GUCY1A2: variants seen among roughly 807,000 people sequenced by gnomAD.
GUCY1A2 encodes guanylate cyclase soluble subunit alpha-2.
GUCY1A2 carries 27 observed loss-of-function variants against 63.5 expected under a neutral mutation model. The ratio of observed to expected loss-of-function variants is 0.43; its 90% CI spans 0.31 to 0.59. The LOEUF is 0.59. Among genes scored for constraint, GUCY1A2 ranks in the 20% least tolerant of loss-of-function variants. GUCY1A2 has a pLI of 0.11. For missense variants in GUCY1A2, 768 were observed against 913.3 expected, an observed-to-expected ratio of 0.84 and a Z score of 2.05; for synonymous variants, 364 against 343.5, an observed-to-expected ratio of 1.06 and a Z score of -0.66.
intron 4 of GUCY1A2, among the ~76,000 whole-genome samples, chr11:106,825,762 TA>T (rs932151293): frequency 9.9e-5 from 15 of 150,924 alleles, no homozygotes; most frequent in African/African-American, 2.9e-4. Context: ...CTGATAAGCT[TA>T]AAAAAAAATT....
At chr11:106,786,991 TA>T (rs1319960746) in intron 5 of GUCY1A2, among the ~76,000 whole-genome samples, 1 of 152,144 alleles carries the variant, frequency 6.6e-6, no homozygotes, top group African/African-American at 2.4e-5. Flanking sequence ...AATAAACACA[TA>T]AGGAGTGCTA....
intron 6 of GUCY1A2, among the ~76,000 whole-genome samples, chr11:106,751,333 C>A (rs922265185): frequency 2.6e-5 from 4 of 152,028 alleles, no homozygotes; most frequent in African/African-American, 9.7e-5. Context: ...CCAGCTAAGG[C>A]AGTAAATGAT....
intron 5 of GUCY1A2, among the ~76,000 whole-genome samples, chr11:106,785,468 C>T (rs1864539719): frequency 6.6e-6 from 1 of 151,912 alleles, no homozygotes; most frequent in Non-Finnish European, 1.5e-5. Context: ...CTATCACTCT[C>T]ACAGTATGTA....
At chr11:106,796,207 A>G (rs1864756780) in intron 5 of GUCY1A2, among the ~76,000 whole-genome samples, 1 of 152,294 alleles carries the variant, frequency 6.6e-6, no homozygotes, top group Middle Eastern at 3.4e-3. Context: ...GTGTCTCTGC[A>G]CATGAGATGG....
At chr11:106,982,758 A>C (rs1357151277) in intron 2 of GUCY1A2, among the ~76,000 whole-genome samples, 1 of 152,244 alleles carries the variant, frequency 6.6e-6, no homozygotes, top group African/African-American at 2.4e-5. Context: ...AAGGTTGGTA[A>C]GTTGAGAAAC....
At chr11:106,733,584 A>G (rs1863539169) in intron 6 of GUCY1A2, among the ~76,000 whole-genome samples, 1 of 152,126 alleles carries the variant, frequency 6.6e-6, no homozygotes, top group Admixed American at 6.6e-5. Context: ...TAGTTTATGA[A>G]AGCAGCACTT....
chr11:106,722,557 T>TG (rs940858228), intron 6 of GUCY1A2, among the ~76,000 whole-genome samples: 4 of 152,102 alleles, frequency 2.6e-5, no homozygotes, highest in African/African-American at 7.2e-5. Context: ...AGTAAATCTA[T>TG]GGACTAGAAT....
At chr11:106,862,439 GC>G in intron 4 of GUCY1A2, among the ~76,000 whole-genome samples, 1 of 152,028 alleles carries the variant, frequency 6.6e-6, no homozygotes, top group South Asian at 2.1e-4. Flanking sequence ...CCAGCCAGAA[GC>G]ATCTTGCTCC....
chr11:106,708,673 A>C lies in GUCY1A2; in HGVS notation c.1837-7T>G. 6.4e-7 allele frequency: 1 copy of C among 1,563,688 alleles called. No individual in the cohort carries two copies. Among genetic ancestry groups the C allele is most frequent in the Non-Finnish European group, 8.7e-7 (1 of 1,149,956 alleles). ...AGTGAATTCCTATCCTCATCTAAAG[A>C]AGAATGAAAGAGGAAAAGGAACATA... On this transcript the variant is annotated splice_polypyrimidine_tract_variant and splice_region_variant and intron_variant, in intron 6 of 7. Transcript: ENST00000526355.
intron 3 of GUCY1A2, among the ~76,000 whole-genome samples, chr11:106,945,400 CAAAACAAA>C (rs1565339602): frequency 7.2e-5 from 2 of 27,798 alleles, no homozygotes; most frequent in African/African-American, 3.3e-4. Flanking sequence ...ACAAAAAAAA[CAAAACAAA>C]AAAACACATT....
At position 106,685,720 on chromosome 11, in the gene GUCY1A2, T is replaced by A. The variant is rs1862515124; in HGVS notation, c.*1829A>T. The A allele has an allele frequency of 8.8e-6, 2 of 227,270 alleles. No homozygotes were observed. The highest frequency in any genetic ancestry group is 4.4e-5 in the African/African-American group (2 of 44,966). The allele number at this position is 227,270 out of a possible 1,614,324, so 14.1% of individuals were successfully genotyped here. Reference sequence around the variant, plus strand: ...ATACTGGCTGTAAACCTCCCCATTGTCCAGAAACACAGGCCCACAGAAGAG... The same window carrying A: ...ATACTGGCTGTAAACCTCCCCATTGACCAGAAACACAGGCCCACAGAAGAG... On this transcript the variant is annotated 3_prime_UTR_variant, in exon 8 of 8. Coordinates refer to ENST00000526355, the MANE Select transcript of GUCY1A2 (RefSeq NM_000855.3).
rs138774824 is a variant in GUCY1A2 at position 106,898,460 on chromosome 11, G to T, written c.1206+41000C>A. ...AAAGCAACCAAGATGTCCTTCTATA[G>T]GTGAGTAAATACACTCTGAACATGC... is the stretch of plus-strand genomic sequence containing the variant. On this transcript the variant is annotated intron_variant, in intron 4 of 7. Transcript: ENST00000526355. Among the ~76,000 whole-genome samples, 754 of 152,236 alleles carry T rather than the reference G, an allele frequency of 5.0e-3. 10 individuals are homozygous for T. Among genetic ancestry groups the T allele is most frequent in the African/African-American group, 0.017 (689 of 41,544 alleles).
chr11:106,751,582 G>T (rs2135385353), intron 6 of GUCY1A2, among the ~76,000 whole-genome samples: 1 of 152,196 alleles, frequency 6.6e-6, no homozygotes, highest in South Asian at 2.1e-4. Context: ...TGGTTCTTAA[G>T]AGACCACGTG....
intron 4 of GUCY1A2, among the ~76,000 whole-genome samples, chr11:106,854,834 C>A (rs1330448110): frequency 6.6e-6 from 1 of 152,090 alleles, no homozygotes. Context: ...TGCAGCAGCC[C>A]AGAACAGGCA....
At chr11:106,857,307 T>G (rs1167255511) in intron 4 of GUCY1A2, among the ~76,000 whole-genome samples, 2 of 152,136 alleles carry the variant, frequency 1.3e-5, no homozygotes, top group Admixed American at 6.6e-5. Flanking sequence ...GCTAGCTAGC[T>G]AGCTCTCTTT....
chr11:106,789,142 A>G (rs1173742367), intron 5 of GUCY1A2, among the ~76,000 whole-genome samples: 1 of 152,120 alleles, frequency 6.6e-6, no homozygotes, highest in Non-Finnish European at 1.5e-5. Context: ...TTCATTGTAG[A>G]GATCTTTCAC....
intron 1 of GUCY1A2, among the ~76,000 whole-genome samples, chr11:107,015,942 T>G (rs999005283): frequency 2.6e-5 from 4 of 152,144 alleles, no homozygotes; most frequent in African/African-American, 9.7e-5. Flanking sequence ...TACACAAGAA[T>G]AGGAAGATGA....
intron 3 of GUCY1A2, among the ~76,000 whole-genome samples, chr11:106,953,235 G>C (rs554139436): frequency 6.6e-6 from 1 of 152,098 alleles, no homozygotes; most frequent in African/African-American, 2.4e-5. Flanking sequence ...AACATGAAGC[G>C]ATGTTCAATT....
intron 4 of GUCY1A2, among the ~76,000 whole-genome samples, chr11:106,929,446 T>C (rs2119937325): frequency 6.6e-6 from 1 of 152,272 alleles, no homozygotes; most frequent in Admixed American, 6.5e-5. Flanking sequence ...CTTTTCTAAA[T>C]CTCTCTACTC....
Sources: gnomAD v4.1 joint callset for allele counts (sites outside exome capture counted in the v4.1 genomes callset) on GRCh38, gnomAD v4.1.1 for gene constraint, MANE v1.5 for transcripts, NCBI Gene and HGNC (gene_info 2026-07-23, HGNC 2026-07-21) for gene names.